MCM3AP: variants seen among roughly 807,000 people sequenced by gnomAD.
MCM3AP encodes germinal-center associated nuclear protein.
In MCM3AP, 126 loss-of-function variants were observed where a neutral mutation model predicts 184.1. The ratio of observed to expected loss-of-function variants is 0.68; its 90% CI spans 0.59 to 0.79. The LOEUF is 0.79. MCM3AP is among the 30% of genes least tolerant of loss of function. The pLI, the probability that MCM3AP is intolerant of heterozygous loss-of-function variation, is 0.00. For synonymous variants in MCM3AP, 1,002 were observed against 979.3 expected, an observed-to-expected ratio of 1.02 and a Z score of -0.43; for missense variants, 2,496 against 2,479.2, an observed-to-expected ratio of 1.01 and a Z score of -0.14.
At chr21:46,272,343 C>T (rs975884065) in intron 8 of MCM3AP, among the ~76,000 whole-genome samples, 1 of 152,160 alleles carries the variant, frequency 6.6e-6, no homozygotes, top group Admixed American at 6.6e-5. Flanking sequence ...GTGGGGCCTA[C>T]GTCAGATGTG....
chr21:46,254,328 G>GCCCACAACCCTGCCCTGC (rs1328759539), intron 19 of MCM3AP, 64 bp downstream of exon 19: 2 of 1,593,634 alleles, frequency 1.3e-6, no homozygotes, highest in African/African-American at 1.3e-5. Flanking sequence ...CCCGGCCCTG[G>GCCCACAACCCTGCCCTGC]CCCACAACCC....
At chr21:46,265,141 A>G (rs1317404863) in intron 12 of MCM3AP, among the ~76,000 whole-genome samples, 180 bp downstream of exon 12, 1 of 152,102 alleles carries the variant, frequency 6.6e-6, no homozygotes, top group African/African-American at 2.4e-5. Flanking sequence ...ATGAAGACGG[A>G]CTCCAGAATG....
chr21:46,246,924 T>C, intron 20 of MCM3AP, 38 bp from the exon 21 acceptor site: 1 of 1,602,496 alleles, frequency 6.2e-7, no homozygotes, highest in Non-Finnish European at 8.5e-7. Context: ...AGATGCACCA[T>C]GGGACGCATC....
rs761580933 is a variant in MCM3AP at position 46,246,895 on chromosome 21, G to C, written c.4291-9C>G. On this transcript the variant is annotated splice_polypyrimidine_tract_variant and intron_variant, in intron 20 of 27. Coordinates refer to ENST00000291688, the MANE Select transcript of MCM3AP (RefSeq NM_003906.5). ...AGGGCGCCATGGGCCACCTGCAACA[G>C]CATCAAGATCATCAGGAGAGATGCA... 1 of 1,612,688 alleles carries C rather than the reference G, an allele frequency of 6.2e-7. No individual in the cohort carries two copies. Among genetic ancestry groups the C allele is most frequent in the Non-Finnish European group, 8.5e-7 (1 of 1,178,834 alleles).
At chr21:46,247,925 A>G (rs1248381713) in intron 20 of MCM3AP, among the ~76,000 whole-genome samples, 1 of 152,060 alleles carries the variant, frequency 6.6e-6, no homozygotes, top group East Asian at 1.9e-4. Flanking sequence ...TGGGCAACAT[A>G]GCAAGACCCC....
chr21:46,265,282 G>A (rs1417587391), intron 12 of MCM3AP, 39 bp downstream of exon 12: 2 of 1,590,962 alleles, frequency 1.3e-6, no homozygotes, highest in African/African-American at 2.7e-5. Context: ...CGCACAATGG[G>A]CTTCCCAGAG....
chr21:46,284,735 A>AC lies in MCM3AP; in HGVS notation c.551dup (p.Ser184ArgfsTer17), dbSNP rs1218630396. 1 of 1,613,974 alleles carries AC rather than the reference A, an allele frequency of 6.2e-7. No homozygotes were observed. Among genetic ancestry groups the AC allele is most frequent in the Non-Finnish European group, 8.5e-7 (1 of 1,180,046 alleles). On this transcript the variant is annotated frameshift_variant, in exon 1 of 28. Transcript: ENST00000291688. LOFTEE classifies it high-confidence loss of function. ...AGAAAGGGGCCAGGCCTCCAGGTGC[A>AC]CTACTAATTGGGTGGGAAAATGTAA...
rs2123834657 is a variant in MCM3AP, at chr21:46,246,812, C to T, written c.4365G>A (p.Gly1455=). The change falls in exon 21 of 28, where the codon GGG becomes GGA. Residue 1455 remains glycine (G), a synonymous_variant. Coordinates refer to ENST00000291688, the MANE Select transcript of MCM3AP (RefSeq NM_003906.5). ...ETQKDLLGAS[G]LMLLLPPKMK... ...TTTTGGGGGGAAGCAGCAGCATGAG[C>T]CCACTGGCTCCCAGGAGGTCCTTCT... is the stretch of plus-strand genomic sequence containing the variant. 6.2e-7 allele frequency: 1 copy of T among 1,614,194 alleles called. No homozygotes were observed. The highest frequency in any genetic ancestry group is 8.5e-7 in the Non-Finnish European group (1 of 1,180,032).
At chr21:46,280,393 C>G in intron 3 of MCM3AP, 104 bp downstream of exon 3, 6 of 920,954 alleles carry the variant, frequency 6.5e-6, no homozygotes, top group South Asian at 1.6e-5. Context: ...ATGGCTCATG[C>G]CTGTAATCCC....
intron 13 of MCM3AP, among the ~76,000 whole-genome samples, chr21:46,262,965 C>CAAAAAAAA (rs34666984): frequency 2.2e-5 from 1 of 45,740 alleles, no homozygotes; most frequent in Non-Finnish European, 3.7e-5. Flanking sequence ...GACTCCGTCT[C>CAAAAAAAA]AAAAAAAAAA....
intron 6 of MCM3AP, 87 bp from the exon 7 acceptor site, chr21:46,273,672 A>G: frequency 1.1e-6 from 1 of 901,164 alleles, no homozygotes; most frequent in Non-Finnish European, 1.8e-6. Flanking sequence ...GGAAAATCAC[A>G]TACACACCCA....
intron 4 of MCM3AP, among the ~76,000 whole-genome samples, chr21:46,278,168 A>G (rs2081279353): frequency 6.6e-6 from 1 of 151,798 alleles, no homozygotes; most frequent in Admixed American, 6.6e-5. Flanking sequence ...CCCCCCGAAA[A>G]AAAAAAAAAG....
rs373069927 is a variant in MCM3AP at position 46,265,878 on chromosome 21, T to G, written c.3031+47A>C. The G allele has an allele frequency of 1.1e-4, 166 of 1,507,960 alleles. 1 individual carries two copies. The highest frequency in any genetic ancestry group is 8.9e-4 in the Middle Eastern group (5 of 5,594). The allele number at this position is 1,507,960 out of a possible 1,614,324, so 93.4% of individuals were successfully genotyped here. On this transcript the variant is annotated intron_variant, in intron 11 of 27. Coordinates refer to ENST00000291688, the MANE Select transcript of MCM3AP (RefSeq NM_003906.5). ...CCCAGGCTCCTGGGAGGCGTTCTGG[T>G]GGGAAAATGCAGCTAGTCCCCTCAC...
chr21:46,261,196 A>G, intron 14 of MCM3AP, 84 bp downstream of exon 14: 2 of 1,527,102 alleles, frequency 1.3e-6, no homozygotes, highest in African/African-American at 1.4e-5. Flanking sequence ...AGTGGACAAT[A>G]GCAGGAGCAT....
Position 46,273,434 on chromosome 21 carries a change from C to T in MCM3AP, c.2150G>A (p.Arg717Gln), listed in dbSNP as rs527815044. 1.9e-6 allele frequency: 3 copies of T among 1,614,018 alleles called. No individual in the cohort carries two copies. The highest frequency in any genetic ancestry group is 2.2e-5 in the South Asian group (2 of 91,078). The change falls in exon 7 of 28, where the codon CGG becomes CAG. Residue 717 changes from arginine (R) to glutamine (Q), a missense_variant. By Grantham distance (43) the Arg-to-Gln change is conservative (BLOSUM62 1). Coordinates refer to ENST00000291688, the MANE Select transcript of MCM3AP (RefSeq NM_003906.5). Reference sequence around the variant, plus strand: ...GTTCCACACGAAGTCATACCAATCCCGCAGGCTGCCCTCCTTCTGGTCCAT... The same window carrying T: ...GTTCCACACGAAGTCATACCAATCCTGCAGGCTGCCCTCCTTCTGGTCCAT... Reference protein sequence around the residue: ...QIMDQKEGSLRDWYDFVWNRT... With the variant: ...QIMDQKEGSLQDWYDFVWNRT...
chr21:46,240,743 A>G, intron 26 of MCM3AP, 68 bp downstream of exon 26: 1 of 1,402,116 alleles, frequency 7.1e-7, no homozygotes, highest in South Asian at 1.3e-5. Context: ...TAATCAAGCA[A>G]TAACCAGTCT....
Position 46,265,949 on chromosome 21 carries a change from G to T in MCM3AP, c.3007C>A (p.Gln1003Lys). The change falls in exon 11 of 28, where the codon CAG (glutamine) becomes AAG (lysine). Residue 1003 changes from glutamine to lysine, a missense_variant. Around this residue, in one of 5 missense-constraint regions of MCM3AP, gnomAD observed 1,323 missense variants for 1,273.4 expected, o/e 1.04. Coordinates refer to ENST00000291688, the MANE Select transcript of MCM3AP (RefSeq NM_003906.5). Reference sequence around the variant, plus strand: ...CCCACTGTGTCGGAGCCGGGTCTCTGGGTGCTGACGGGCAGCTCCGCGGCC... The same window carrying T: ...CCCACTGTGTCGGAGCCGGGTCTCTTGGTGCTGACGGGCAGCTCCGCGGCC... ...SLAAELPVST[Q>K]RPGSDTVGGG... The T allele has an allele frequency of 6.3e-7, 1 of 1,592,070 alleles. No individual in the cohort carries two copies. The highest frequency in any genetic ancestry group is 1.2e-5 in the South Asian group (1 of 86,200).
chr21:46,258,376 G>A (rs1300617459), intron 16 of MCM3AP, among the ~76,000 whole-genome samples: 2 of 152,274 alleles, frequency 1.3e-5, no homozygotes, highest in Non-Finnish European at 2.9e-5. Flanking sequence ...CTTACACCCA[G>A]TTGAGAAGTT....
rs374041135 is a variant in MCM3AP, at chr21:46,242,832, G to A, written c.5396C>T (p.Thr1799Met). ...CTCTCTCAGCTGTAGCTCCTTCTGC[G>A]TCTGCAACCTGGCTTGTTCCCACGA... ...PLSWEQARLQ[T>M]QKELQLREGR... The change falls in exon 25 of 28, where the codon ACG becomes ATG. Residue 1799 changes from threonine (T) to methionine (M), a missense_variant. Physicochemically the swap from Thr to Met is moderately conservative, Grantham distance 81. Coordinates refer to ENST00000291688, the MANE Select transcript of MCM3AP (RefSeq NM_003906.5). 51 of 1,611,776 alleles carry A rather than the reference G, an allele frequency of 3.2e-5. No homozygotes were observed. The highest frequency in any genetic ancestry group is 9.4e-5 in the African/African-American group (7 of 74,694).
Sources: allele counts gnomAD v4.1 joint callset (sites outside exome capture counted in the v4.1 genomes callset), GRCh38; gene constraint gnomAD v4.1.1; regional missense constraint gnomAD v4.1.1; transcripts MANE v1.5; gene names NCBI Gene and HGNC (gene_info 2026-07-23, HGNC 2026-07-21).